The following ALDH1A2 variants were observed in gnomAD, a reference collection of about 807,000 sequenced individuals.
ALDH1A2 encodes retinal dehydrogenase 2.
Under a neutral mutation model 60.3 loss-of-function variants are expected in ALDH1A2, and 27 were observed. The observed-to-expected ratio is 0.45, with a 90% CI of 0.33 to 0.62. ALDH1A2 has a LOEUF of 0.62. ALDH1A2 is among the 20% of genes least tolerant of loss of function. ALDH1A2 has a pLI of 0.02. For missense variants in ALDH1A2, 581 were observed against 643.8 expected, an observed-to-expected ratio of 0.90 and a Z score of 1.06; for synonymous variants, 289 against 232.4, an observed-to-expected ratio of 1.24 and a Z score of -2.21.
rs1025294962 is a variant in ALDH1A2 at position 57,963,945 on chromosome 15, C to T, written c.1026G>A (p.Glu342=). ...TCCCCACTACGCGCCTCTTGGCCCGCTCCACGCTTCTTCTCACAAACTCCT... is the reference window on the plus strand; with the variant it reads ...TCCCCACTACGCGCCTCTTGGCCCGTTCCACGCTTCTTCTCACAAACTCCT... ...IYEEFVRRSV[E]RAKRRVVGSP... The change falls in exon 9 of 13, where the codon GAG becomes GAA. Residue 342 remains glutamate (E), a synonymous_variant. Transcript: ENST00000249750. 9 of 1,614,168 alleles carry T rather than the reference C, an allele frequency of 5.6e-6. No homozygotes were observed. The highest frequency in any genetic ancestry group is 7.6e-6 in the Non-Finnish European group (9 of 1,180,008).
At chr15:58,019,742 A>G (rs1291354705) in intron 1 of ALDH1A2, among the ~76,000 whole-genome samples, 2 of 152,162 alleles carry the variant, frequency 1.3e-5, no homozygotes, top group African/African-American at 4.8e-5. Flanking sequence ...AAAAGACAGA[A>G]TGATAGGCAC....
Position 57,965,819 on chromosome 15 carries a change from C to T in ALDH1A2, c.807G>A (p.Lys269=). Residue 269 remains lysine (K), a synonymous_variant, in exon 8 of 13, where the codon AAG becomes AAA. Coordinates refer to ENST00000249750, the MANE Select transcript of ALDH1A2 (RefSeq NM_003888.4). ...TTCTTCCAGCTGCTTCTTGGATAAG[C>T]TTTCCAACCTGAAAGAAGGGAAATG... ...IAFTGSTEVG[K]LIQEAAGRSN... 3.1e-6 allele frequency: 5 copies of T among 1,613,970 alleles called. No homozygotes were observed. Among genetic ancestry groups the T allele is most frequent in the Non-Finnish European group, 4.2e-6 (5 of 1,179,840 alleles).
chr15:58,014,565 C>A (rs531839982), intron 1 of ALDH1A2: 1 of 491,172 alleles, frequency 2.0e-6, no homozygotes, highest in South Asian at 1.5e-5. Flanking sequence ...TACATACAAT[C>A]ATACACTGAT....
intron 7 of ALDH1A2, among the ~76,000 whole-genome samples, chr15:57,981,028 T>C (rs1475944758): frequency 1.3e-5 from 2 of 152,180 alleles, no homozygotes; most frequent in Admixed American, 6.5e-5. Context: ...TATTCTCTGA[T>C]GGTAGTTTGT....
chr15:57,956,140 C>CCAAA (rs1469526247), intron 12 of ALDH1A2, among the ~76,000 whole-genome samples: 2 of 151,996 alleles, frequency 1.3e-5, no homozygotes, highest in African/African-American at 2.4e-5. Flanking sequence ...TTGCCTTCCA[C>CCAAA]CAAACATAGG....
chr15:57,992,663 T>C, intron 7 of ALDH1A2, 42 bp downstream of exon 7: 2 of 1,578,496 alleles, frequency 1.3e-6, no homozygotes, highest in South Asian at 1.1e-5. Flanking sequence ...CTCAACTCAT[T>C]TGCAAGACTG....
At chr15:57,997,042 CTTTGT>C (rs1895087336) in intron 4 of ALDH1A2, among the ~76,000 whole-genome samples, 3 of 152,070 alleles carry the variant, frequency 2.0e-5, no homozygotes, top group South Asian at 2.1e-4. Flanking sequence ...TATCTCTTGA[CTTTGT>C]TTTATGTATA....
intron 1 of ALDH1A2, among the ~76,000 whole-genome samples, chr15:58,053,840 C>T (rs531982068): frequency 6.6e-6 from 1 of 152,244 alleles, no homozygotes; most frequent in African/African-American, 2.4e-5. Context: ...TCACTCAGTA[C>T]AAATACCTAT....
chr15:58,041,066 A>G (rs1017536125), intron 1 of ALDH1A2, among the ~76,000 whole-genome samples: 2 of 151,928 alleles, frequency 1.3e-5, no homozygotes, highest in African/African-American at 2.4e-5. Flanking sequence ...ATGACCTTCA[A>G]GTGGCCATCT....
intron 1 of ALDH1A2, among the ~76,000 whole-genome samples, chr15:58,045,936 T>A (rs1405467047): frequency 6.6e-6 from 1 of 152,020 alleles, no homozygotes; most frequent in African/African-American, 2.4e-5. Flanking sequence ...ACTCCACACA[T>A]GCATTTGAAA....
intron 4 of ALDH1A2, among the ~76,000 whole-genome samples, chr15:57,995,617 T>C (rs182953229): frequency 6.6e-5 from 10 of 152,224 alleles, no homozygotes; most frequent in Admixed American, 4.6e-4. Flanking sequence ...GTAAAAGATA[T>C]ATTTCATAAC....
rs114379284 is a variant in ALDH1A2 at position 58,007,356 on chromosome 15, A to G, written c.493+3293T>C. On this transcript the variant is annotated intron_variant, in intron 4 of 12. Coordinates refer to ENST00000249750, the MANE Select transcript of ALDH1A2 (RefSeq NM_003888.4). The stretch of plus-strand genomic sequence containing the variant: ...AAATCTGCACTGGGGTAAAGACTTC[A>G]TCATATTAGTATAAAAATCTGCACT... 4.1e-3 allele frequency among the ~76,000 whole-genome samples: 627 copies of G among 152,088 alleles called. 5 individuals are homozygous for G. Among genetic ancestry groups the G allele is most frequent in the African/African-American group, 0.015 (607 of 41,540 alleles).
chr15:58,051,064 G>C (rs1250286321), intron 1 of ALDH1A2, among the ~76,000 whole-genome samples: 1 of 152,250 alleles, frequency 6.6e-6, no homozygotes, highest in Non-Finnish European at 1.5e-5. Flanking sequence ...GTTGATATAA[G>C]TAGTTAAAGA....
intron 1 of ALDH1A2, among the ~76,000 whole-genome samples, chr15:58,059,752 T>C (rs1283104552): frequency 6.6e-6 from 1 of 152,176 alleles, no homozygotes; most frequent in African/African-American, 2.4e-5. Flanking sequence ...AGACAAGACC[T>C]TGGTGGAAAA....
At chr15:58,030,390 CAAAATAAT>C (rs1430468999) in intron 1 of ALDH1A2, among the ~76,000 whole-genome samples, 4 of 152,122 alleles carry the variant, frequency 2.6e-5, no homozygotes, top group African/African-American at 9.7e-5. Context: ...GAATGTATCT[CAAAATAAT>C]AAGAGCTATT....
chr15:58,026,409 G>A (rs1003906495), intron 1 of ALDH1A2, among the ~76,000 whole-genome samples: 5 of 152,120 alleles, frequency 3.3e-5, no homozygotes, highest in African/African-American at 1.2e-4. Flanking sequence ...TTCCAAGATG[G>A]CCAAATAGTA....
Position 58,065,640 on chromosome 15 carries a change from C to G in ALDH1A2, c.11G>C (p.Ser4Thr). Residue 4 changes from serine to threonine, a missense_variant, in exon 1 of 13, where the codon AGC becomes ACC. Physicochemically the swap from Ser to Thr is moderately conservative, Grantham distance 58. Around this residue, in one of 2 missense-constraint regions of ALDH1A2, gnomAD observed 206 missense variants for 174.1 expected, o/e 1.18. Coordinates refer to ENST00000249750, the MANE Select transcript of ALDH1A2 (RefSeq NM_003888.4). MTS[S>T]KIEMPGEVKA... is the part of the protein sequence containing the mutation. ...CACCTCGCCGGGCATCTCTATCTTGCTGGAAGTCATGGTGGCGGGCCGGGT... is the reference window on the plus strand; with the variant it reads ...CACCTCGCCGGGCATCTCTATCTTGGTGGAAGTCATGGTGGCGGGCCGGGT... 1 of 1,597,982 alleles carries G rather than the reference C, an allele frequency of 6.3e-7. No individual in the cohort carries two copies. Among genetic ancestry groups the G allele is most frequent in the Non-Finnish European group, 8.5e-7 (1 of 1,171,224 alleles).
intron 1 of ALDH1A2, among the ~76,000 whole-genome samples, chr15:58,020,774 A>T (rs988847888): frequency 1.7e-4 from 26 of 152,192 alleles, no homozygotes; most frequent in Non-Finnish European, 2.6e-4. Flanking sequence ...TCAATTTTGT[A>T]AAATGCATTA....
At chr15:57,998,452 T>A (rs1278706305) in intron 4 of ALDH1A2, among the ~76,000 whole-genome samples, 1 of 151,992 alleles carries the variant, frequency 6.6e-6, no homozygotes, top group East Asian at 1.9e-4. Context: ...CCATTCATAA[T>A]TGATACAAAC....
Sources: gnomAD v4.1 joint callset for allele counts (sites outside exome capture counted in the v4.1 genomes callset) on GRCh38, gnomAD v4.1.1 for gene constraint, gnomAD v4.1.1 regional missense constraint, MANE v1.5 for transcripts, NCBI Gene and HGNC (gene_info 2026-07-23, HGNC 2026-07-21) for gene names.